Variants in PTH2R observed in about 807,000 individuals in gnomAD.
PTH2R encodes PTH2 receptor.
PTH2R carries 59 observed loss-of-function variants against 60.3 expected under a neutral mutation model. That is an observed-to-expected ratio of 0.98 (90% CI 0.79 to 1.22). The LOEUF is 1.22. Ranked by LOEUF, PTH2R falls within the 50% of genes most tolerant of loss-of-function variation. PTH2R has a pLI of 0.00. For synonymous variants in PTH2R, 256 were observed against 243.8 expected, an observed-to-expected ratio of 1.05 and a Z score of -0.47; for missense variants, 749 against 682.6, an observed-to-expected ratio of 1.10 and a Z score of -1.08.
chr2:208,406,589 G>C (rs139239699), upstream of PTH2R, among the ~76,000 whole-genome samples: 8 of 152,340 alleles, frequency 5.3e-5, no homozygotes, highest in East Asian at 1.6e-3. Context: ...ACCCGGGACA[G>C]AGTGGAGGGA....
At chr2:208,364,473 G>A (rs531057689) in intron 1 of PTH2R, among the ~76,000 whole-genome samples, 35 of 152,184 alleles carry the variant, frequency 2.3e-4, no homozygotes, top group South Asian at 2.3e-3. Context: ...AGCATCATTT[G>A]TTGACCAGAC....
Position 208,467,505 on chromosome 2 carries a change from G to A in PTH2R, c.981+7544G>A, listed in dbSNP as rs372386868. ...AGCAGTTACAACTCATTATATACACGTTTTCAAGAGACACAATAACTAGTT... is the reference window on the plus strand; with the variant it reads ...AGCAGTTACAACTCATTATATACACATTTTCAAGAGACACAATAACTAGTT... On this transcript the variant is annotated intron_variant, in intron 9 of 12. Transcript: ENST00000272847. 6.5e-4 allele frequency among the ~76,000 whole-genome samples: 99 copies of A among 152,222 alleles called. 1 individual carries two copies. In the South Asian group the frequency reaches 0.017, roughly 26 times the overall value.
chr2:208,426,755 G>A (rs1006749319), intron 1 of PTH2R, among the ~76,000 whole-genome samples: 6 of 152,182 alleles, frequency 3.9e-5, no homozygotes, highest in African/African-American at 1.4e-4. Context: ...CCTCTGCCAT[G>A]ATTGTAAGTT....
intron 9 of PTH2R, among the ~76,000 whole-genome samples, chr2:208,479,080 T>C (rs763235972): frequency 1.3e-5 from 2 of 152,242 alleles, no homozygotes; most frequent in African/African-American, 2.4e-5. Flanking sequence ...TTGTTACTTA[T>C]CTTTTAAGGC....
chr2:208,408,015 T>C (rs75134447), intron 1 of PTH2R, among the ~76,000 whole-genome samples: 2 of 152,216 alleles, frequency 1.3e-5, no homozygotes, highest in East Asian at 3.8e-4. Flanking sequence ...GGCTTTCAGA[T>C]GACTAGTTTA....
chr2:208,378,073 C>G (rs1360371920), intron 1 of PTH2R, among the ~76,000 whole-genome samples: 2 of 152,042 alleles, frequency 1.3e-5, no homozygotes, highest in Non-Finnish European at 2.9e-5. Flanking sequence ...TGCACTCCAG[C>G]CTGGGCAACA....
intron 1 of PTH2R, among the ~76,000 whole-genome samples, chr2:208,391,858 G>T (rs1217936766): frequency 1.3e-5 from 2 of 152,198 alleles, no homozygotes; most frequent in South Asian, 4.1e-4. Context: ...TGCTAGATAA[G>T]AAGTTGAGAA....
chr2:208,380,934 T>C (rs1700902189), intron 1 of PTH2R, among the ~76,000 whole-genome samples: 1 of 152,134 alleles, frequency 6.6e-6, no homozygotes, highest in African/African-American at 2.4e-5. Flanking sequence ...ATGGATGCTC[T>C]GATTCCTCTT....
intron 6 of PTH2R, among the ~76,000 whole-genome samples, chr2:208,444,009 C>T (rs1702239577): frequency 6.6e-6 from 1 of 152,186 alleles, no homozygotes; most frequent in South Asian, 2.1e-4. Context: ...TCCAATAATT[C>T]ACTCAATTAG....
intron 8 of PTH2R, among the ~76,000 whole-genome samples, chr2:208,458,513 C>T (rs1574891896): frequency 6.6e-6 from 1 of 152,006 alleles, no homozygotes; most frequent in Middle Eastern, 3.2e-3. Flanking sequence ...ACATGTGTCA[C>T]AGAGGTTTGT....
intron 9 of PTH2R, among the ~76,000 whole-genome samples, chr2:208,464,724 T>C (rs1261881792): frequency 6.6e-6 from 1 of 152,096 alleles, no homozygotes; most frequent in Non-Finnish European, 1.5e-5. Flanking sequence ...ATCTATAAAA[T>C]GGGAATAGAC....
At chr2:208,432,283 A>ATAT (rs1344381878) in intron 2 of PTH2R, among the ~76,000 whole-genome samples, 1 of 152,214 alleles carries the variant, frequency 6.6e-6, no homozygotes, top group Non-Finnish European at 1.5e-5. Context: ...AGTATGAATA[A>ATAT]GTTTCTGCCT....
intron 1 of PTH2R, among the ~76,000 whole-genome samples, chr2:208,366,944 T>G (rs1042402321): frequency 1.3e-5 from 2 of 152,204 alleles, no homozygotes; most frequent in African/African-American, 4.8e-5. Flanking sequence ...GCCAACTGTT[T>G]CTGTACCTCA....
intron 1 of PTH2R, among the ~76,000 whole-genome samples, chr2:208,389,202 T>C (rs1443414687): frequency 6.8e-6 from 1 of 146,898 alleles, no homozygotes; most frequent in Non-Finnish European, 1.5e-5. Flanking sequence ...TTTTACAGAA[T>C]GATGATACAT....
At chr2:208,435,136 AGT>A (rs1702048919) in intron 2 of PTH2R, among the ~76,000 whole-genome samples, 1 of 152,242 alleles carries the variant, frequency 6.6e-6, no homozygotes, top group African/African-American at 2.4e-5. Context: ...TGTAGAGATC[AGT>A]GTCTCTGTAA....
At chr2:208,386,490 C>T (rs913277387) in intron 1 of PTH2R, among the ~76,000 whole-genome samples, 50 of 152,000 alleles carry the variant, frequency 3.3e-4, no homozygotes, top group Admixed American at 2.6e-3. Context: ...TGCAATCAGT[C>T]GATGTATGTG....
intron 1 of PTH2R, among the ~76,000 whole-genome samples, chr2:208,384,267 A>G (rs1164679522): frequency 5.9e-5 from 9 of 152,224 alleles, no homozygotes; most frequent in Non-Finnish European, 1.5e-5. Context: ...GACATCTCAC[A>G]TCAAGAAGTT....
chr2:208,360,084 CGG>C (rs1226478828), exon 1 of PTH2R: 4 of 381,682 alleles, frequency 1.0e-5, no homozygotes, highest in African/African-American at 8.5e-5. Context: ...TTTTTAAAAA[CGG>C]AGAGTTTTTA....
chr2:208,361,335 G>A (rs1447335042), intron 1 of PTH2R: 1 of 152,426 alleles, frequency 6.6e-6, no homozygotes, highest in Non-Finnish European at 1.5e-5. Flanking sequence ...CCTTGCTCCA[G>A]GTTTGGCAGC....
Sources: gnomAD v4.1 joint callset for allele counts (sites outside exome capture counted in the v4.1 genomes callset) on GRCh38, gnomAD v4.1.1 for gene constraint, MANE v1.5 for transcripts, NCBI Gene and HGNC (gene_info 2026-07-23, HGNC 2026-07-21) for gene names.